DMD: variants seen among roughly 807,000 people sequenced by gnomAD.
DMD encodes the protein mutant dystrophin.
DMD carries 63 observed loss-of-function variants against 330.1 expected under a neutral mutation model. The ratio of observed to expected loss-of-function variants is 0.19; its 90% CI spans 0.16 to 0.24. The LOEUF (loss-of-function observed/expected upper bound fraction) is 0.24. DMD is among the 10% of genes least tolerant of loss of function. The pLI, the probability that DMD is intolerant of heterozygous loss-of-function variation, is 1.00. For synonymous variants in DMD, 1,223 were observed against 959.8 expected, an observed-to-expected ratio of 1.27 and a Z score of -5.07; for missense variants, 3,344 against 2,684.1, an observed-to-expected ratio of 1.25 and a Z score of -5.43.
chrX:31,230,607 C>G (rs2047098289), intron 63 of DMD, among the ~76,000 whole-genome samples: 1 of 108,669 alleles, frequency 9.2e-6, no homozygotes, highest in South Asian at 4.1e-4. Context: ...TGAGATCGCA[C>G]CACTGCACTT....
chrX:31,424,657 A>G (rs1357829514), intron 60 of DMD, among the ~76,000 whole-genome samples: 2 of 112,571 alleles, frequency 1.8e-5, no homozygotes, highest in Admixed American at 9.4e-5. Context: ...GACCAACAGA[A>G]GATATATTTG....
At chrX:33,170,235 T>C (rs777139920) in intron 1 of DMD, among the ~76,000 whole-genome samples, 87 of 111,812 alleles carry the variant, frequency 7.8e-4, no homozygotes, top group Non-Finnish European at 1.5e-3. Context: ...CTGCTTAATA[T>C]TTATTAAGTC....
intron 51 of DMD, among the ~76,000 whole-genome samples, chrX:31,736,633 T>C (rs2086892638): frequency 8.9e-6 from 1 of 111,879 alleles, no homozygotes. Context: ...CAAATAAAAC[T>C]TGTCTTCTTT....
At chrX:33,173,650 C>T (rs1466278468) in intron 1 of DMD, among the ~76,000 whole-genome samples, 2 of 110,340 alleles carry the variant, frequency 1.8e-5, no homozygotes, top group Non-Finnish European at 3.8e-5. Flanking sequence ...ATAATAAGCT[C>T]GATAGAATGA....
At chrX:32,619,582 C>G (rs1013696787) in intron 11 of DMD, among the ~76,000 whole-genome samples, 2 of 111,564 alleles carry the variant, frequency 1.8e-5, no homozygotes, top group African/African-American at 6.5e-5. Flanking sequence ...TTTTATCTGT[C>G]AATTTAAAGT....
chrX:32,608,618 T>C (rs952271686), intron 12 of DMD, among the ~76,000 whole-genome samples: 1 of 110,604 alleles, frequency 9.0e-6, no homozygotes, highest in African/African-American at 3.3e-5. Flanking sequence ...ATTGAAATTA[T>C]CAAACTTTCA....
chrX:31,515,434 T>C (rs992324011), intron 55 of DMD, among the ~76,000 whole-genome samples: 8 of 111,962 alleles, frequency 7.1e-5, no homozygotes, highest in African/African-American at 2.6e-4. Flanking sequence ...AATTTTATTA[T>C]AGACAGATTA....
intron 31 of DMD, among the ~76,000 whole-genome samples, 184 bp from the exon 32 acceptor site, chrX:32,389,858 T>C (rs1242735300): frequency 8.9e-6 from 1 of 111,936 alleles, no homozygotes; most frequent in Non-Finnish European, 1.9e-5. Flanking sequence ...GATTCAGTAG[T>C]TTTTTCTTAA....
At chrX:32,854,600 A>G (rs1215389984) in intron 2 of DMD, among the ~76,000 whole-genome samples, 1 of 109,994 alleles carries the variant, frequency 9.1e-6, no homozygotes, top group Non-Finnish European at 1.9e-5. Flanking sequence ...GAAACAATAC[A>G]TCTTAAAGAA....
rs1246963206 is a variant in DMD at position 32,949,326 on chromosome X, ATAGG to A, written c.93+70809_93+70812del. ...ATATATTAGATGATAGATAGATTAG[ATAGG>A]TAGGTAGGTAGGTAGATAGATAGAT... is the stretch of plus-strand genomic sequence containing the variant. On this transcript the variant is annotated intron_variant, in intron 2 of 78. Coordinates refer to ENST00000357033, the MANE Select transcript of DMD (RefSeq NM_004006.3). Among the ~76,000 whole-genome samples the A allele has an allele frequency of 7.2e-3, 701 of 96,979 alleles. 8 individuals are homozygous for A. Among genetic ancestry groups the A allele is most frequent in the Non-Finnish European group, 0.011 (511 of 47,686 alleles). 84.2% of individuals were successfully genotyped at this position (96,979 alleles called of 115,157 possible).
rs751871393 is a variant in DMD, at chrX:31,835,062, C to T, written c.7200+1656G>A. 1.3e-3 allele frequency among the ~76,000 whole-genome samples: 148 copies of T among 111,673 alleles called. 1 individual carries two copies. Among genetic ancestry groups the T allele is most frequent in the Non-Finnish European group, 1.7e-3 (88 of 53,146 alleles). Reference sequence around the variant, plus strand: ...ATCCCAGTTCTGATCTCCAAGTGGCCCAGTAGTTGAGTGTGTGGGTGGAGG... The same window carrying T: ...ATCCCAGTTCTGATCTCCAAGTGGCTCAGTAGTTGAGTGTGTGGGTGGAGG... On this transcript the variant is annotated intron_variant, in intron 49 of 78. Transcript: ENST00000357033.
intron 55 of DMD, among the ~76,000 whole-genome samples, chrX:31,561,131 C>A (rs1227721050): frequency 8.9e-6 from 1 of 111,915 alleles, no homozygotes; most frequent in Non-Finnish European, 1.9e-5. Flanking sequence ...AAGTTGGATG[C>A]TAATTATACA....
chrX:32,934,903 C>T (rs2089875431), intron 2 of DMD, among the ~76,000 whole-genome samples: 1 of 112,717 alleles, frequency 8.9e-6, no homozygotes, highest in African/African-American at 3.2e-5. Context: ...TGCATGTATG[C>T]CAAAACAATA....
intron 55 of DMD, among the ~76,000 whole-genome samples, chrX:31,546,796 T>A (rs1194900994): frequency 1.8e-5 from 2 of 112,218 alleles, no homozygotes; most frequent in Non-Finnish European, 3.8e-5. Context: ...TGACATAGAA[T>A]AGGAAATGCC....
intron 11 of DMD, among the ~76,000 whole-genome samples, chrX:32,625,361 T>G: frequency 9.0e-6 from 1 of 111,249 alleles, no homozygotes; most frequent in Non-Finnish European, 1.9e-5. Flanking sequence ...AATTTTTAAC[T>G]ATATTTAATT....
chrX:31,160,693 C>T (rs778744200), intron 74 of DMD, among the ~76,000 whole-genome samples: 6 of 111,735 alleles, frequency 5.4e-5, no homozygotes, highest in Non-Finnish European at 5.6e-5. Flanking sequence ...TGAGTGCTTT[C>T]AAAGTTTTAC....
intron 30 of DMD, among the ~76,000 whole-genome samples, chrX:32,392,638 G>A (rs1397452311): frequency 8.9e-6 from 1 of 111,887 alleles, no homozygotes; most frequent in East Asian, 2.8e-4. Context: ...CTCAACAAGA[G>A]GTGAAGTTTA....
chrX:33,232,191 T>G (rs2148882628), intron 1 of DMD, among the ~76,000 whole-genome samples: 1 of 111,698 alleles, frequency 9.0e-6, no homozygotes, highest in African/African-American at 3.2e-5. Flanking sequence ...GCAAGAAATG[T>G]CAAAAGAAGG....
intron 37 of DMD, among the ~76,000 whole-genome samples, 168 bp downstream of exon 37, chrX:32,362,620 G>A (rs998017239): frequency 7.2e-5 from 8 of 110,925 alleles, no homozygotes; most frequent in Non-Finnish European, 1.3e-4. Flanking sequence ...GAGGAGTGGC[G>A]TTTATCTCCC....
Sources: allele counts gnomAD v4.1 joint callset (sites outside exome capture counted in the v4.1 genomes callset), GRCh38; gene constraint gnomAD v4.1.1; transcripts MANE v1.5; gene names NCBI Gene and HGNC (gene_info 2026-07-23, HGNC 2026-07-21).